Variants in SYT13 observed in about 807,000 individuals in gnomAD.
The protein encoded by SYT13 is synaptotagmin 13, also known as synaptotagmin-13.
Under a neutral mutation model 38.6 loss-of-function variants are expected in SYT13, and 21 were observed. The ratio of observed to expected loss-of-function variants is 0.54; its 90% CI spans 0.39 to 0.78. SYT13 has a LOEUF of 0.78. Among genes scored for constraint, SYT13 ranks in the 30% least tolerant of loss-of-function variants. The probability of loss-of-function intolerance (pLI) is 0.00; values close to 1 mark genes in which losing one functional copy is unlikely to be tolerated. For synonymous variants in SYT13, 241 were observed against 237.6 expected (o/e 1.01, Z -0.13); for missense variants, 495 against 548.7 (o/e 0.90, Z 0.98).
intron 1 of SYT13, among the ~76,000 whole-genome samples, chr11:45,282,502 A>G (rs1855086049): frequency 6.6e-6 from 1 of 152,190 alleles, no homozygotes; most frequent in Non-Finnish European, 1.5e-5. Flanking sequence ...GTCTAATAAA[A>G]CCAAATTGTG....
At chr11:45,269,431 G>A in intron 1 of SYT13, 2 of 1,241,524 alleles carry the variant, frequency 1.6e-6, no homozygotes, top group South Asian at 1.4e-5. Context: ...CTTGTAGGTG[G>A]CCCCTGCATT....
At chr11:45,260,317 G>A (rs1368743367) in intron 1 of SYT13, among the ~76,000 whole-genome samples, 1 of 152,178 alleles carries the variant, frequency 6.6e-6, no homozygotes, top group Non-Finnish European at 1.5e-5. Context: ...TCCTTCTCTT[G>A]TGCAATCTTA....
chr11:45,247,823 G>A (rs1800147384), intron 4 of SYT13, among the ~76,000 whole-genome samples: 2 of 152,194 alleles, frequency 1.3e-5, no homozygotes, highest in African/African-American at 4.8e-5. Context: ...CAGTCACATG[G>A]GGAAGACAGA....
chr11:45,283,469 T>G (rs987088870), intron 1 of SYT13, among the ~76,000 whole-genome samples: 12 of 152,258 alleles, frequency 7.9e-5, no homozygotes, highest in Admixed American at 3.3e-4. Flanking sequence ...TCCTGTCATC[T>G]GTCACCGCTA....
At chr11:45,261,606 A>G (rs1275175248) in intron 1 of SYT13, among the ~76,000 whole-genome samples, 1 of 150,808 alleles carries the variant, frequency 6.6e-6, no homozygotes, top group Non-Finnish European at 1.5e-5. Context: ...AAAAAAAAAA[A>G]GAAAAGAAAA....
At position 45,244,281 on chromosome 11, in the gene SYT13, T is replaced by G. The variant is rs1854588886; in HGVS notation, c.1052A>C (p.Lys351Thr). Residue 351 changes from lysine to threonine, a missense_variant, in exon 6 of 6, where the codon AAG becomes ACG. By Grantham distance (78) the Lys-to-Thr change is moderately conservative. Coordinates refer to ENST00000020926, the MANE Select transcript of SYT13 (RefSeq NM_020826.3). ...CATCTCGTTCCACACGGGGTTGATC[T>G]TGTGCTTAGCTCGTTTAGTCTGCTT... ...KKKQTKRAKH[K>T]INPVWNEMIM... 6 of 1,614,024 alleles carry G rather than the reference T, an allele frequency of 3.7e-6. No individual in the cohort carries two copies. Among genetic ancestry groups the G allele is most frequent in the Non-Finnish European group, 5.1e-6 (6 of 1,180,040 alleles).
Position 45,286,214 on chromosome 11 carries a change from C to T in SYT13, c.-7G>A, listed in dbSNP as rs896358687. On this transcript the variant is annotated 5_prime_UTR_variant, in exon 1 of 6. Transcript: ENST00000020926. Reference sequence around the variant, plus strand: ...CAGGCACCGACAGCACCATGGTGCCCGCTCCCGGCGAGGGGCTGGGTCCCG... The same window carrying T: ...CAGGCACCGACAGCACCATGGTGCCTGCTCCCGGCGAGGGGCTGGGTCCCG... The T allele has an allele frequency of 5.2e-6, 8 of 1,539,468 alleles. No homozygotes were observed. Among genetic ancestry groups the T allele is most frequent in the African/African-American group, 1.4e-5 (1 of 73,234 alleles).
At chr11:45,256,184 A>G (rs548155965) in intron 1 of SYT13, among the ~76,000 whole-genome samples, 3 of 151,772 alleles carry the variant, frequency 2.0e-5, no homozygotes, top group Admixed American at 6.5e-5. Context: ...GGTGGTCCCC[A>G]CTCTGCTGCT....
chr11:45,248,182 C>T (rs183432022), intron 4 of SYT13, among the ~76,000 whole-genome samples: 1 of 152,106 alleles, frequency 6.6e-6, no homozygotes, highest in Non-Finnish European at 1.5e-5. Flanking sequence ...ATTTGGGAGC[C>T]TCAAAGGATC....
At position 45,265,337 on chromosome 11, in the gene SYT13, G is replaced by C. The variant is rs190912262; in HGVS notation, c.184-9446C>G. The stretch of plus-strand genomic sequence containing the variant: ...ATTTGCAGTGTCTGGAGACATTTTT[G>C]GTTGCCACAACTGGAGGCAGTGGAG... On this transcript the variant is annotated intron_variant, in intron 1 of 5. Transcript: ENST00000020926. Among the ~76,000 whole-genome samples, 4 of 152,344 alleles carry C rather than the reference G, an allele frequency of 2.6e-5. No homozygotes were observed. The East Asian group carries it at 7.7e-4, about 29-fold the overall frequency.
At position 45,246,388 on chromosome 11, in the gene SYT13, C is replaced by G. The variant is rs778935002; in HGVS notation, c.971G>C (p.Gly324Ala). 6.2e-7 allele frequency: 1 copy of G among 1,613,862 alleles called. No homozygotes were observed. The highest frequency in any genetic ancestry group is 8.5e-7 in the Non-Finnish European group (1 of 1,179,884). The change falls in exon 5 of 6, where the codon GGG becomes GCG. Residue 324 changes from glycine (G) to alanine (A), a missense_variant. Coordinates refer to ENST00000020926, the MANE Select transcript of SYT13 (RefSeq NM_020826.3). ...LHSNQSKELL[G>A]KDVSVKVTLK... ...TCCTCTCACATCTCACTCACCCTTC[C>G]CCAGGAGCTCCTTGGACTGGTTAGA... is the stretch of plus-strand genomic sequence containing the variant.
At position 45,258,923 on chromosome 11, in the gene SYT13, C is replaced by T. The variant is rs1854780455; in HGVS notation, c.184-3032G>A. 2.6e-5 allele frequency among the ~76,000 whole-genome samples: 4 copies of T among 152,154 alleles called. No homozygotes were observed. In the South Asian group the frequency reaches 8.3e-4, roughly 32 times the overall value. On this transcript the variant is annotated intron_variant, in intron 1 of 5. Transcript: ENST00000020926. ...AATATCTCATATAACTCTGTATTAC[C>T]TTCATCCTACTGTTTCACAATGAGG...
intron 1 of SYT13, among the ~76,000 whole-genome samples, chr11:45,280,937 G>A (rs1855063885): frequency 6.6e-6 from 1 of 152,248 alleles, no homozygotes; most frequent in African/African-American, 2.4e-5. Flanking sequence ...GCTCACGCCT[G>A]TAATCCTAGC....
intron 1 of SYT13, among the ~76,000 whole-genome samples, chr11:45,274,333 G>T (rs1590529344): frequency 6.6e-6 from 1 of 152,258 alleles, no homozygotes; most frequent in Non-Finnish European, 1.5e-5. Flanking sequence ...AGGCTGTTTT[G>T]CAAAGGGTGA....
At chr11:45,245,597 AT>A (rs1854604679) in intron 5 of SYT13, among the ~76,000 whole-genome samples, 1 of 152,226 alleles carries the variant, frequency 6.6e-6, no homozygotes, top group African/African-American at 2.4e-5. Flanking sequence ...AGACTTATTT[AT>A]ATCTTGCTAG....
intron 1 of SYT13, among the ~76,000 whole-genome samples, chr11:45,261,376 G>A (rs1181336963): frequency 6.6e-6 from 1 of 152,060 alleles, no homozygotes; most frequent in Non-Finnish European, 1.5e-5. Context: ...TAGATCACTA[G>A]GTCAGGAGAT....
chr11:45,259,459 CT>C (rs1455182899), intron 1 of SYT13, among the ~76,000 whole-genome samples: 2 of 152,216 alleles, frequency 1.3e-5, no homozygotes, highest in African/African-American at 2.4e-5. Context: ...AGTCTTGACA[CT>C]CTGGCTCTGC....
intron 1 of SYT13, among the ~76,000 whole-genome samples, chr11:45,265,832 A>G (rs1854875544): frequency 6.6e-6 from 1 of 152,290 alleles, no homozygotes; most frequent in African/African-American, 2.4e-5. Flanking sequence ...CCAAAATGTC[A>G]TTAGGGCTGA....
At chr11:45,278,280 A>C (rs1855032994) in intron 1 of SYT13, among the ~76,000 whole-genome samples, 1 of 152,162 alleles carries the variant, frequency 6.6e-6, no homozygotes, top group African/African-American at 2.4e-5. Context: ...CAGTAAGAAG[A>C]AGGTGGAAGC....
Sources: allele counts gnomAD v4.1 joint callset (sites outside exome capture counted in the v4.1 genomes callset), GRCh38; gene constraint gnomAD v4.1.1; transcripts MANE v1.5; gene names NCBI Gene and HGNC (gene_info 2026-07-23, HGNC 2026-07-21).